Variants in HCN1 observed in about 807,000 individuals in gnomAD.
HCN1 encodes the protein potassium/sodium hyperpolarization-activated cyclic nucleotide-gated channel 1.
A neutral mutation model predicts 78.9 loss-of-function variants in HCN1; 13 were observed. The observed-to-expected ratio is 0.16, with a 90% confidence interval of 0.11 to 0.26. HCN1 has a LOEUF of 0.26. HCN1 is among the 10% of genes least tolerant of loss of function. The pLI is 1.00. For synonymous variants in HCN1, 552 were observed against 455.5 expected, an observed-to-expected ratio of 1.21 and a Z score of -2.70; for missense variants, 810 against 1,154.3, an observed-to-expected ratio of 0.70 and a Z score of 4.32.
chr5:45,454,228 A>G (rs1354423218), intron 3 of HCN1, among the ~76,000 whole-genome samples: 1 of 152,144 alleles, frequency 6.6e-6, no homozygotes, highest in African/African-American at 2.4e-5. Context: ...AAGAGAATCC[A>G]CATCTGAGAA....
At chr5:45,593,901 C>T (rs952372090) in intron 2 of HCN1, among the ~76,000 whole-genome samples, 18 of 152,196 alleles carry the variant, frequency 1.2e-4, no homozygotes, top group African/African-American at 4.1e-4. Flanking sequence ...GTCCCAAACT[C>T]CTGACTTCAA....
chr5:45,373,516 A>T (rs1315391498), intron 4 of HCN1, among the ~76,000 whole-genome samples: 1 of 141,018 alleles, frequency 7.1e-6, no homozygotes, highest in Non-Finnish European at 1.5e-5. Context: ...CATCATCTAT[A>T]ATATATATTA....
chr5:45,286,804 T>A (rs1057236629), intron 6 of HCN1, among the ~76,000 whole-genome samples: 3 of 152,048 alleles, frequency 2.0e-5, no homozygotes, highest in African/African-American at 4.8e-5. Context: ...AAATTACTTC[T>A]GGCATTTTAA....
At chr5:45,273,254 G>A (rs571937678) in intron 6 of HCN1, among the ~76,000 whole-genome samples, 1 of 152,166 alleles carries the variant, frequency 6.6e-6, no homozygotes, top group South Asian at 2.1e-4. Context: ...TAGGAACATA[G>A]ACAACTCTGT....
At chr5:45,272,619 G>T (rs1294987487) in intron 6 of HCN1, among the ~76,000 whole-genome samples, 1 of 152,014 alleles carries the variant, frequency 6.6e-6, no homozygotes, top group East Asian at 1.9e-4. Flanking sequence ...GATAATATTG[G>T]TTCACCTGTT....
intron 4 of HCN1, among the ~76,000 whole-genome samples, chr5:45,361,713 T>C (rs1747112957): frequency 6.6e-6 from 1 of 152,224 alleles, no homozygotes; most frequent in African/African-American, 2.4e-5. Context: ...CTTTCATCTA[T>C]GTAAAAATGC....
chr5:45,400,913 T>G (rs1015483090), intron 3 of HCN1, among the ~76,000 whole-genome samples: 2 of 152,124 alleles, frequency 1.3e-5, no homozygotes, highest in African/African-American at 2.4e-5. Flanking sequence ...TGAATCCTAT[T>G]ATATATGCTC....
intron 2 of HCN1, among the ~76,000 whole-genome samples, chr5:45,604,004 C>T (rs908277572): frequency 9.9e-5 from 15 of 151,966 alleles, no homozygotes; most frequent in African/African-American, 3.6e-4. Flanking sequence ...GATAATATAA[C>T]ACAAAAACTT....
At chr5:45,324,799 T>C (rs966447510) in intron 5 of HCN1, among the ~76,000 whole-genome samples, 1 of 151,788 alleles carries the variant, frequency 6.6e-6, no homozygotes, top group African/African-American at 2.4e-5. Context: ...TCTGCAATTA[T>C]AATCTCTACG....
At chr5:45,300,371 G>A (rs529179520) in intron 6 of HCN1, among the ~76,000 whole-genome samples, 55 of 152,012 alleles carry the variant, frequency 3.6e-4, no homozygotes, top group African/African-American at 1.3e-3. Flanking sequence ...GATAGTAAAA[G>A]TAACCCCTTC....
At chr5:45,320,387 G>C (rs1260257078) in intron 5 of HCN1, among the ~76,000 whole-genome samples, 2 of 151,774 alleles carry the variant, frequency 1.3e-5, no homozygotes, top group African/African-American at 4.8e-5. Context: ...TTGAGGTAAA[G>C]ATAATTCTAA....
intron 2 of HCN1, among the ~76,000 whole-genome samples, chr5:45,467,204 T>C (rs1248692037): frequency 6.6e-6 from 1 of 151,884 alleles, no homozygotes; most frequent in Non-Finnish European, 1.5e-5. Flanking sequence ...CCCACCACCT[T>C]CCCCTCCCCA....
intron 4 of HCN1, among the ~76,000 whole-genome samples, chr5:45,358,355 C>A (rs563004864): frequency 1.4e-3 from 220 of 152,020 alleles, no homozygotes; most frequent in South Asian, 3.3e-3. Context: ...GAAATGATAC[C>A]CTTATTTATA....
rs1744593788 is a variant in HCN1, at chr5:45,600,180, C to G, written c.849+45005G>C. ...GCTTGCTTCCATTCTCTCTCTCTCT[C>G]TCTTACACACACACACGCACACACA... On this transcript the variant is annotated intron_variant, in intron 2 of 7. Transcript: ENST00000303230. Among the ~76,000 whole-genome samples, 3 of 151,976 alleles carry G rather than the reference C, an allele frequency of 2.0e-5. No homozygotes were observed. In the South Asian group the frequency reaches 6.2e-4, roughly 31 times the overall value.
intron 2 of HCN1, among the ~76,000 whole-genome samples, chr5:45,475,033 T>C (rs1334036088): frequency 6.6e-6 from 1 of 151,998 alleles, no homozygotes; most frequent in Non-Finnish European, 1.5e-5. Flanking sequence ...TGAATGATTT[T>C]GGTGAGATAT....
chr5:45,630,198 T>C (rs922919109), intron 2 of HCN1, among the ~76,000 whole-genome samples: 2 of 152,138 alleles, frequency 1.3e-5, no homozygotes, highest in Admixed American at 1.3e-4. Flanking sequence ...GCCTCAAATC[T>C]TACCTGCCTC....
At chr5:45,304,707 A>G (rs1313540432) in intron 5 of HCN1, among the ~76,000 whole-genome samples, 1 of 152,030 alleles carries the variant, frequency 6.6e-6, no homozygotes, top group African/African-American at 2.4e-5. Flanking sequence ...TATAAATTCA[A>G]CTGGTGTCTG....
rs570473064 is a variant in HCN1, at chr5:45,281,090, C to T, written c.1619-13837G>A. On this transcript the variant is annotated intron_variant, in intron 6 of 7. Transcript: ENST00000303230. ...AGTATCATGTGCAAATTGTTTATGA[C>T]AGACAAAGTTTGATTCGGTTGGAGG... Among the ~76,000 whole-genome samples, 11 of 151,800 alleles carry T rather than the reference C, an allele frequency of 7.2e-5. No homozygotes were observed. In the Middle Eastern group the frequency reaches 0.024, roughly 333 times the overall value.
chr5:45,684,826 C>A (rs1362002262), intron 1 of HCN1, among the ~76,000 whole-genome samples: 2 of 152,196 alleles, frequency 1.3e-5, no homozygotes, highest in Non-Finnish European at 2.9e-5. Context: ...CATGCCACTG[C>A]ACTCCACCCT....
Sources: allele counts gnomAD v4.1 joint callset (sites outside exome capture counted in the v4.1 genomes callset), GRCh38; gene constraint gnomAD v4.1.1; transcripts MANE v1.5; gene names NCBI Gene and HGNC (gene_info 2026-07-23, HGNC 2026-07-21).